ATF7IP2: variants seen among roughly 807,000 people sequenced by gnomAD.
ATF7IP2 encodes the protein activating transcription factor 7-interacting protein 2.
A neutral mutation model predicts 64.2 loss-of-function variants in ATF7IP2; 42 were observed. That is an observed-to-expected ratio of 0.65 (90% CI 0.51 to 0.85). ATF7IP2 has a LOEUF of 0.85. Ranked by LOEUF, ATF7IP2 falls within the 40% of genes least tolerant of loss-of-function variation. The probability of loss-of-function intolerance (pLI) is 0.00; values close to 1 mark genes in which losing one functional copy is unlikely to be tolerated. For synonymous variants in ATF7IP2, 308 were observed against 272.8 expected (o/e 1.13, Z -1.27); for missense variants, 933 against 784.2 (o/e 1.19, Z -2.27).
At chr16:10,396,797 G>A (rs569511557) in intron 1 of ATF7IP2, among the ~76,000 whole-genome samples, 14 of 149,582 alleles carry the variant, frequency 9.4e-5, no homozygotes, top group East Asian at 2.0e-4. Context: ...CAAGAGGCAC[G>A]TGACACCATG....
Position 10,481,826 on chromosome 16 carries a change from G to T in ATF7IP2, c.1636-10G>T, listed in dbSNP as rs2142117656. On this transcript the variant is annotated splice_polypyrimidine_tract_variant and intron_variant, in intron 13 of 13. Coordinates refer to ENST00000562102, the MANE Select transcript of ATF7IP2 (RefSeq NM_001393719.1). ...TTAAAAGCTATATTTTCTTACAATT[G>T]TGTTTTTAGGTTCCTGAGTCCTTTG... 3 of 1,553,994 alleles carry T rather than the reference G, an allele frequency of 1.9e-6. No individual in the cohort carries two copies. Among genetic ancestry groups the T allele is most frequent in the East Asian group, 4.5e-5 (2 of 44,368 alleles).
At chr16:10,390,205 A>T (rs2047293726) in intron 1 of ATF7IP2, among the ~76,000 whole-genome samples, 1 of 152,182 alleles carries the variant, frequency 6.6e-6, no homozygotes, top group South Asian at 2.1e-4. Flanking sequence ...TAATGGAGAA[A>T]CCCAATGAAG....
At chr16:10,465,412 A>T (rs767308549) in intron 9 of ATF7IP2, among the ~76,000 whole-genome samples, 7 of 152,016 alleles carry the variant, frequency 4.6e-5, no homozygotes, top group Admixed American at 4.6e-4. Flanking sequence ...TTCCATAAAA[A>T]TTATCAGTTT....
chr16:10,393,195 A>T (rs1015314715), intron 1 of ATF7IP2, among the ~76,000 whole-genome samples: 2 of 151,784 alleles, frequency 1.3e-5, no homozygotes, highest in Middle Eastern at 3.2e-3. Context: ...CTGTAATCCC[A>T]GCTACTTGGG....
intron 1 of ATF7IP2, among the ~76,000 whole-genome samples, chr16:10,410,363 GT>G (rs2047733982): frequency 3.0e-5 from 4 of 135,358 alleles, no homozygotes; most frequent in African/African-American, 5.4e-5. Context: ...TTTTGTTTTT[GT>G]TTTTGTTTTG....
chr16:10,404,555 A>C (rs1014815158), intron 1 of ATF7IP2, among the ~76,000 whole-genome samples: 4 of 150,586 alleles, frequency 2.7e-5, no homozygotes, highest in African/African-American at 7.3e-5. Flanking sequence ...CCTTTTTTTT[A>C]TTTTTTGAGA....
chr16:10,469,947 A>C (rs1181356408), intron 9 of ATF7IP2, among the ~76,000 whole-genome samples: 6 of 152,134 alleles, frequency 3.9e-5, no homozygotes. Flanking sequence ...TATGTTTCCA[A>C]AGTGTAGGGG....
chr16:10,398,168 G>C (rs2141759589), intron 1 of ATF7IP2, among the ~76,000 whole-genome samples: 1 of 152,138 alleles, frequency 6.6e-6, no homozygotes, highest in East Asian at 1.9e-4. Flanking sequence ...GCTGGGTGCA[G>C]TGGTGGACAC....
chr16:10,466,684 A>AT (rs1253325647), intron 9 of ATF7IP2, among the ~76,000 whole-genome samples: 2 of 151,966 alleles, frequency 1.3e-5, no homozygotes, highest in Non-Finnish European at 2.9e-5. Context: ...TGTCTTTTCA[A>AT]TTTTTTTGAC....
intron 12 of ATF7IP2, among the ~76,000 whole-genome samples, chr16:10,477,072 T>C (rs567318678): frequency 6.6e-5 from 10 of 152,254 alleles, no homozygotes; most frequent in Admixed American, 2.0e-4. Context: ...CCAAAACCAA[T>C]TGCAACAAAA....
chr16:10,431,217 C>T lies in ATF7IP2; in HGVS notation c.597C>T (p.Phe199=), dbSNP rs541287771. The T allele has an allele frequency of 2.9e-5, 47 of 1,614,148 alleles. No homozygotes were observed. The highest frequency in any genetic ancestry group is 2.5e-4 in the Admixed American group (15 of 60,018). ...VGDKKTDQMV[F]HLETNSNSES... ...ACAAGAAAACTGACCAGATGGTTTT[C>T]CATTTAGAAACAAACTCCAATTCAG... is the stretch of plus-strand genomic sequence containing the variant. The change falls in exon 5 of 14, where the codon TTC becomes TTT. Residue 199 remains phenylalanine, a synonymous_variant. Coordinates refer to ENST00000562102, the MANE Select transcript of ATF7IP2 (RefSeq NM_001393719.1).
intron 1 of ATF7IP2, among the ~76,000 whole-genome samples, chr16:10,405,133 TG>T (rs1253245168): frequency 6.6e-6 from 1 of 151,532 alleles, no homozygotes; most frequent in East Asian, 1.9e-4. Context: ...GAGGCTGAGA[TG>T]GATGGATTGC....
chr16:10,451,753 A>C (rs1271869147), intron 8 of ATF7IP2, among the ~76,000 whole-genome samples: 1 of 151,838 alleles, frequency 6.6e-6, no homozygotes, highest in Non-Finnish European at 1.5e-5. Context: ...GCTTCCTTGC[A>C]TTGAGTTAGA....
chr16:10,409,891 T>A (rs1411363618), intron 1 of ATF7IP2, among the ~76,000 whole-genome samples: 1 of 152,214 alleles, frequency 6.6e-6, no homozygotes, highest in African/African-American at 2.4e-5. Context: ...TGACTGTAAG[T>A]ATTTGATTTT....
At chr16:10,410,535 C>T (rs1298293930) in intron 1 of ATF7IP2, among the ~76,000 whole-genome samples, 2 of 152,082 alleles carry the variant, frequency 1.3e-5, no homozygotes, top group Non-Finnish European at 2.9e-5. Flanking sequence ...TTGGAGGACT[C>T]TTTAGGGTTT....
intron 9 of ATF7IP2, among the ~76,000 whole-genome samples, chr16:10,463,998 A>G (rs187622452): frequency 1.3e-5 from 2 of 152,108 alleles, no homozygotes; most frequent in African/African-American, 2.4e-5. Flanking sequence ...GCTTGCTTTC[A>G]TAGCATCCTG....
chr16:10,418,507 T>A (rs954090771), intron 2 of ATF7IP2, among the ~76,000 whole-genome samples: 51 of 152,188 alleles, frequency 3.4e-4, no homozygotes, highest in Non-Finnish European at 6.2e-4. Context: ...GATCCACATC[T>A]GCAGACTATA....
intron 6 of ATF7IP2, among the ~76,000 whole-genome samples, chr16:10,437,217 C>T (rs182427759): frequency 1.3e-3 from 202 of 152,210 alleles, no homozygotes; most frequent in Non-Finnish European, 2.4e-3. Context: ...GTCGGGGTTT[C>T]ACCATGTTGG....
At chr16:10,435,422 C>A (rs539632214) in intron 6 of ATF7IP2, among the ~76,000 whole-genome samples, 7 of 152,208 alleles carry the variant, frequency 4.6e-5, no homozygotes, top group Non-Finnish European at 1.0e-4. Flanking sequence ...AAACTTTAGG[C>A]CAGTTTGGCT....
Sources: gnomAD v4.1 joint callset for allele counts (sites outside exome capture counted in the v4.1 genomes callset) on GRCh38, gnomAD v4.1.1 for gene constraint, MANE v1.5 for transcripts, NCBI Gene and HGNC (gene_info 2026-07-23, HGNC 2026-07-21) for gene names.